Variants in SCAF4 observed in about 807,000 individuals in gnomAD.
The protein encoded by SCAF4 is SR-related and CTD-associated factor 4.
SCAF4 carries 25 observed loss-of-function variants against 129.8 expected under a neutral mutation model. The ratio of observed to expected loss-of-function variants is 0.19; its 90% CI spans 0.14 to 0.27. The LOEUF (loss-of-function observed/expected upper bound fraction) is 0.27. SCAF4 is among the 10% of genes least tolerant of loss of function. The pLI is 1.00. For synonymous variants in SCAF4, 551 were observed against 497.7 expected, an observed-to-expected ratio of 1.11 and a Z score of -1.43; for missense variants, 1,246 against 1,457.1, an observed-to-expected ratio of 0.86 and a Z score of 2.36.
At chr21:31,720,744 G>T (rs917658971) in intron 1 of SCAF4, among the ~76,000 whole-genome samples, 5 of 152,188 alleles carry the variant, frequency 3.3e-5, no homozygotes, top group African/African-American at 1.2e-4. Flanking sequence ...TATTTAATGG[G>T]CAAATGCAGG....
chr21:31,673,583 A>C (rs992245523), intron 19 of SCAF4, among the ~76,000 whole-genome samples: 3 of 148,776 alleles, frequency 2.0e-5, no homozygotes, highest in Admixed American at 6.6e-5. Flanking sequence ...CCCAATGAAC[A>C]AGTACAGGAC....
intron 5 of SCAF4, 39 bp from the exon 6 acceptor site, chr21:31,701,957 T>C (rs2050543917): frequency 6.2e-7 from 1 of 1,601,266 alleles, no homozygotes; most frequent in Non-Finnish European, 8.5e-7. Flanking sequence ...AAAAAAAAGT[T>C]AACCTACAAG....
chr21:31,721,725 C>CTGT (rs1335252824), intron 1 of SCAF4, among the ~76,000 whole-genome samples: 215 of 125,418 alleles, frequency 1.7e-3, no homozygotes, highest in African/African-American at 5.9e-3. Context: ...AAGAGCAATT[C>CTGT]TTTTTTTTTT....
intron 9 of SCAF4, 61 bp downstream of exon 9, chr21:31,696,052 G>T: frequency 1.6e-6 from 2 of 1,226,782 alleles, no homozygotes; most frequent in East Asian, 4.8e-5. Context: ...TCTGTGGAAT[G>T]CAAACCATAC....
At chr21:31,696,345 T>C (rs2050385467) in intron 8 of SCAF4, 124 bp from the exon 9 acceptor site, 6 of 724,694 alleles carry the variant, frequency 8.3e-6, no homozygotes, top group East Asian at 2.8e-5. Flanking sequence ...TATTTACCTA[T>C]ATATTAAATT....
chr21:31,688,243 C>T, intron 16 of SCAF4, 64 bp downstream of exon 16: 2 of 1,456,262 alleles, frequency 1.4e-6, no homozygotes, highest in Non-Finnish European at 9.3e-7. Flanking sequence ...CATATATCTA[C>T]AGTAAGATTT....
At chr21:31,678,747 A>G (rs1488348819) in intron 19 of SCAF4, among the ~76,000 whole-genome samples, 1 of 151,816 alleles carries the variant, frequency 6.6e-6, no homozygotes, top group Non-Finnish European at 1.5e-5. Flanking sequence ...TTACATGGGG[A>G]TATTCTCTTC....
chr21:31,706,582 G>C, intron 1 of SCAF4: 1 of 508,520 alleles, frequency 2.0e-6, no homozygotes, highest in East Asian at 3.4e-5. Context: ...TCTGCCAAAG[G>C]GGTGGCGAAG....
In SCAF4 at chr21:31,729,020, C is replaced by T. The variant is rs77552706; in HGVS notation, c.30+2643G>A. Among the ~76,000 whole-genome samples the T allele has an allele frequency of 4.3e-3, 655 of 152,306 alleles. 3 individuals carry two copies. Among genetic ancestry groups the T allele is most frequent in the African/African-American group, 0.015 (632 of 41,552 alleles). Reference sequence around the variant, plus strand: ...ATCCTTTTCCTATTCTCCATTCCCACTATACACTTGCCAAGTTCAGGTTTT... The same window carrying T: ...ATCCTTTTCCTATTCTCCATTCCCATTATACACTTGCCAAGTTCAGGTTTT... On this transcript the variant is annotated intron_variant, in intron 1 of 19. Transcript: ENST00000286835.
At chr21:31,728,414 C>T (rs1307176338) in intron 1 of SCAF4, among the ~76,000 whole-genome samples, 1 of 152,132 alleles carries the variant, frequency 6.6e-6, no homozygotes, top group Admixed American at 6.6e-5. Context: ...CAACCCTAAA[C>T]CTCAAATCCT....
Position 31,685,727 on chromosome 21 carries a change from G to C in SCAF4, c.2050C>G (p.Pro684Ala), listed in dbSNP as rs181372986. 2.5e-5 allele frequency: 40 copies of C among 1,590,284 alleles called. No individual in the cohort carries two copies. The highest frequency in any genetic ancestry group is 1.7e-4 in the South Asian group (15 of 86,740). Residue 684 changes from proline (P) to alanine (A), a missense_variant, in exon 17 of 20, where the codon CCA becomes GCA. This residue lies in a region of SCAF4 where 468 missense variants were observed against 605.5 expected (regional missense o/e 0.77). Transcript: ENST00000286835. ...PITVPPPQVP[P>A]HQPGPPVVGA... The stretch of plus-strand genomic sequence containing the variant: ...ACTACAGGTGGACCCGGTTGATGTG[G>C]TGGGACCTAGAAAGAAAGATAAAAG...
rs1446493606 is a variant in SCAF4, at chr21:31,717,894, T to C, written c.31-11537A>G. 6.2e-3 allele frequency among the ~76,000 whole-genome samples: 666 copies of C among 107,342 alleles called. 6 individuals carry two copies. Among genetic ancestry groups the C allele is most frequent in the African/African-American group, 0.024 (587 of 24,922 alleles). The allele number at this position is 107,342 out of a possible 152,430, so 70.4% of individuals were successfully genotyped here. A position where few individuals can be genotyped will look rare whatever the true frequency, so the allele number is the denominator to read the frequency against. ...ACATATACACATATATACACATATATACACATATATACACACACACACACA... is the reference window on the plus strand; with the variant it reads ...ACATATACACATATATACACATATACACACATATATACACACACACACACA... On this transcript the variant is annotated intron_variant, in intron 1 of 19. Transcript: ENST00000286835.
chr21:31,706,459 G>T (rs1409295776), intron 1 of SCAF4, 102 bp from the exon 2 acceptor site: 5 of 759,454 alleles, frequency 6.6e-6, no homozygotes, highest in Non-Finnish European at 8.7e-6. Context: ...AATACAAACG[G>T]GGCCGGGGTG....
At chr21:31,675,376 G>T (rs1601173468) in intron 19 of SCAF4, among the ~76,000 whole-genome samples, 1 of 152,210 alleles carries the variant, frequency 6.6e-6, no homozygotes, top group African/African-American at 2.4e-5. Flanking sequence ...GGCCCCTCGA[G>T]AGTAGTTAGG....
intron 3 of SCAF4, among the ~76,000 whole-genome samples, chr21:31,704,619 T>TATGATAA (rs1349108269): frequency 6.6e-6 from 1 of 152,076 alleles, no homozygotes; most frequent in African/African-American, 2.4e-5. Flanking sequence ...TGCAACTGTT[T>TATGATAA]ACGATAAACT....
rs778565990 is a variant in SCAF4, at chr21:31,701,202, G to C, written c.601-31C>G. 5.3e-6 allele frequency: 8 copies of C among 1,508,522 alleles called. No homozygotes were observed. The East Asian group carries it at 1.8e-4, about 35-fold the overall frequency. The allele number at this position is 1,508,522 out of a possible 1,614,324, so 93.4% of individuals were successfully genotyped here. On this transcript the variant is annotated intron_variant, in intron 6 of 19. Transcript: ENST00000286835. ...AGAATGGGAAAACCAATAAATCACA[G>C]AACAAAGTATAATCATACTATCAAA...
At chr21:31,723,480 C>CA (rs928409663) in intron 1 of SCAF4, among the ~76,000 whole-genome samples, 2 of 149,930 alleles carry the variant, frequency 1.3e-5, no homozygotes, top group East Asian at 1.9e-4. Context: ...ACAAACAAAA[C>CA]AAAAAACAAA....
chr21:31,678,049 T>C (rs1333959396), intron 19 of SCAF4, among the ~76,000 whole-genome samples: 1 of 152,222 alleles, frequency 6.6e-6, no homozygotes, highest in East Asian at 1.9e-4. Context: ...ACCACTTCTC[T>C]ATTTACATTT....
intron 5 of SCAF4, 134 bp from the exon 6 acceptor site, chr21:31,702,052 T>C (rs2050545835): frequency 7.9e-7 from 1 of 1,260,144 alleles, no homozygotes; most frequent in African/African-American, 1.5e-5. Context: ...CACTAGAGTT[T>C]ATACTGTAAC....
Sources: gnomAD v4.1 joint callset for allele counts (sites outside exome capture counted in the v4.1 genomes callset) on GRCh38, gnomAD v4.1.1 for gene constraint, gnomAD v4.1.1 regional missense constraint, MANE v1.5 for transcripts, NCBI Gene and HGNC (gene_info 2026-07-23, HGNC 2026-07-21) for gene names.